The following CSPP1 variants were observed in gnomAD, a reference collection of about 807,000 sequenced individuals.
CSPP1 encodes centrosome and spindle pole associated protein 1.
CSPP1 carries 126 observed loss-of-function variants against 164.4 expected under a neutral mutation model. The ratio of observed to expected loss-of-function variants is 0.77; its 90% confidence interval spans 0.66 to 0.89. The LOEUF is 0.89. Among genes scored for constraint, CSPP1 ranks in the 40% least tolerant of loss-of-function variants. The pLI is 0.00. For synonymous variants in CSPP1, 472 were observed against 476.7 expected (o/e 0.99, Z 0.13); for missense variants, 1,395 against 1,449.8 (o/e 0.96, Z 0.61).
At chr8:67,154,264 T>C in intron 19 of CSPP1, 128 bp downstream of exon 19, 1 of 583,616 alleles carries the variant, frequency 1.7e-6, no homozygotes, top group Non-Finnish European at 3.0e-6. Context: ...CTAATTTATA[T>C]CAGATCAGAT....
chr8:67,113,641 A>G (rs1278468882), intron 10 of CSPP1, among the ~76,000 whole-genome samples, 164 bp from the exon 11 acceptor site: 3 of 152,164 alleles, frequency 2.0e-5, no homozygotes, highest in African/African-American at 4.8e-5. Flanking sequence ...AAGTAAAAAA[A>G]TTTGGCTTTC....
intron 21 of CSPP1, among the ~76,000 whole-genome samples, chr8:67,161,026 C>A (rs1828243155): frequency 6.6e-6 from 1 of 152,036 alleles, no homozygotes; most frequent in African/African-American, 2.4e-5. Context: ...ACCATGTTGG[C>A]CAGGCTGGTC....
At chr8:67,087,845 GT>G (rs985585827) in intron 4 of CSPP1, among the ~76,000 whole-genome samples, 3 of 152,226 alleles carry the variant, frequency 2.0e-5, no homozygotes, top group Non-Finnish European at 4.4e-5. Context: ...TTTTAGGACA[GT>G]TAGTTCTGCA....
At chr8:67,167,581 G>A (rs1390480263) in intron 24 of CSPP1, among the ~76,000 whole-genome samples, 125 of 145,440 alleles carry the variant, frequency 8.6e-4, no homozygotes, top group African/African-American at 3.1e-3. Context: ...CTTCTCAGAC[G>A]GGGCAGCTGC....
intron 15 of CSPP1, among the ~76,000 whole-genome samples, chr8:67,128,452 T>A (rs1820534836): frequency 6.7e-6 from 1 of 150,000 alleles, no homozygotes; most frequent in African/African-American, 2.5e-5. Flanking sequence ...GACAGGAGAA[T>A]CACTTGAACC....
At chr8:67,132,363 G>C (rs1821400226) in intron 16 of CSPP1, among the ~76,000 whole-genome samples, 1 of 152,174 alleles carries the variant, frequency 6.6e-6, no homozygotes, top group Non-Finnish European at 1.5e-5. Flanking sequence ...TGGAATTGGG[G>C]TGGAAGAAGG....
At chr8:67,107,227 T>C (rs1157238829) in intron 9 of CSPP1, among the ~76,000 whole-genome samples, 8 of 152,148 alleles carry the variant, frequency 5.3e-5, no homozygotes, top group Admixed American at 2.6e-4. Context: ...TTTGTATTTT[T>C]AGTTGAGACG....
At chr8:67,129,076 G>C (rs967744709) in intron 15 of CSPP1, among the ~76,000 whole-genome samples, 10 of 152,082 alleles carry the variant, frequency 6.6e-5, no homozygotes, top group Non-Finnish European at 1.3e-4. Flanking sequence ...AATCTACCAT[G>C]TTAACAGAAT....
intron 17 of CSPP1, among the ~76,000 whole-genome samples, chr8:67,145,465 A>G (rs1256836347): frequency 7.2e-6 from 1 of 139,566 alleles, no homozygotes; most frequent in African/African-American, 2.7e-5. Flanking sequence ...TATCTTTACT[A>G]TTTGCTTCCT....
intron 2 of CSPP1, chr8:67,074,895 C>A: frequency 5.3e-6 from 1 of 190,132 alleles, no homozygotes; most frequent in Non-Finnish European, 1.1e-5. Context: ...ATTCTTCTGC[C>A]TCAGCCTCAT....
chr8:67,193,131 T>G (rs528764505), intron 29 of CSPP1, among the ~76,000 whole-genome samples: 2 of 152,144 alleles, frequency 1.3e-5, no homozygotes, highest in East Asian at 3.9e-4. Context: ...GTTTTTTTCT[T>G]TTTTTTTGAG....
At chr8:67,181,338 A>ATTTTT (rs58029238) in intron 28 of CSPP1, among the ~76,000 whole-genome samples, 2 of 112,654 alleles carry the variant, frequency 1.8e-5, no homozygotes, top group Non-Finnish European at 3.7e-5. Flanking sequence ...GTACCTGGCC[A>ATTTTT]TTTTTTTTTT....
chr8:67,069,875 G>A (rs954823578), intron 1 of CSPP1, among the ~76,000 whole-genome samples: 1 of 151,872 alleles, frequency 6.6e-6, no homozygotes, highest in Non-Finnish European at 1.5e-5. Context: ...GGCCAGGCTG[G>A]TCTCGAACTC....
At chr8:67,141,860 T>C (rs1212805347) in intron 17 of CSPP1, among the ~76,000 whole-genome samples, 1 of 152,234 alleles carries the variant, frequency 6.6e-6, no homozygotes, top group Non-Finnish European at 1.5e-5. Flanking sequence ...ATTTGAAATA[T>C]GTAGTATAGA....
chr8:67,133,982 C>T (rs985685730), intron 16 of CSPP1: 1 of 152,220 alleles, frequency 6.6e-6, no homozygotes, highest in Non-Finnish European at 1.5e-5. Context: ...CCATGCCTCA[C>T]TTCTAATTCC....
At chr8:67,073,751 A>G (rs937184262) in intron 1 of CSPP1, among the ~76,000 whole-genome samples, 4 of 152,178 alleles carry the variant, frequency 2.6e-5, no homozygotes, top group African/African-American at 9.7e-5. Context: ...AATTTTAGAA[A>G]AAATTGTGTT....
intron 24 of CSPP1, among the ~76,000 whole-genome samples, chr8:67,169,086 G>C (rs1207900583): frequency 1.3e-5 from 2 of 152,258 alleles, no homozygotes; most frequent in East Asian, 3.9e-4. Context: ...TTGGTGCTTA[G>C]GGAAGATTTA....
intron 10 of CSPP1, among the ~76,000 whole-genome samples, chr8:67,113,581 A>G (rs1817323150): frequency 6.6e-6 from 1 of 152,176 alleles, no homozygotes. Flanking sequence ...ATTGGCTTAG[A>G]GATACATAGT....
chr8:67,141,800 C>T (rs904825037), intron 17 of CSPP1, among the ~76,000 whole-genome samples: 7 of 152,206 alleles, frequency 4.6e-5, no homozygotes, highest in South Asian at 2.1e-4. Flanking sequence ...CAGACATGAG[C>T]GACTGCACCC....
Sources: gnomAD v4.1 joint callset for allele counts (sites outside exome capture counted in the v4.1 genomes callset) on GRCh38, gnomAD v4.1.1 for gene constraint, MANE v1.5 for transcripts, NCBI Gene and HGNC (gene_info 2026-07-23, HGNC 2026-07-21) for gene names.